The following MINAR1 variants were observed in gnomAD, a reference collection of about 807,000 sequenced individuals.
The protein encoded by MINAR1 is major intrinsically disordered Notch2-binding receptor 1.
Under a neutral mutation model 65.1 loss-of-function variants are expected in MINAR1, and 40 were observed. The ratio of observed to expected loss-of-function variants is 0.61; its 90% confidence interval spans 0.48 to 0.80. The LOEUF (loss-of-function observed/expected upper bound fraction) is 0.80. MINAR1 is among the 30% of genes least tolerant of loss of function. The pLI, the probability that MINAR1 is intolerant of heterozygous loss-of-function variation, is 0.00. For missense variants in MINAR1, 1,128 were observed against 1,148.0 expected (o/e 0.98, Z 0.25); for synonymous variants, 482 against 449.1 (o/e 1.07, Z -0.93).
chr15:79,464,111 G>A (rs1338050387), intron 3 of MINAR1, among the ~76,000 whole-genome samples: 2 of 152,298 alleles, frequency 1.3e-5, no homozygotes, highest in East Asian at 3.9e-4. Context: ...CTCTAAAAGA[G>A]GGCTGTGGGA....
At chr15:79,451,353 G>A (rs1267195951) in intron 1 of MINAR1, among the ~76,000 whole-genome samples, 2 of 152,200 alleles carry the variant, frequency 1.3e-5, no homozygotes, top group Non-Finnish European at 2.9e-5. Context: ...CAGGCGGAGG[G>A]CTGTTGAGCA....
intron 1 of MINAR1, among the ~76,000 whole-genome samples, chr15:79,434,653 C>T (rs1009138798): frequency 6.6e-6 from 1 of 152,208 alleles, no homozygotes; most frequent in African/African-American, 2.4e-5. Flanking sequence ...TTCTAGATTC[C>T]TCAGTGAATC....
intron 3 of MINAR1, among the ~76,000 whole-genome samples, chr15:79,467,244 T>C (rs540489506): frequency 3.9e-4 from 59 of 152,386 alleles, no homozygotes; most frequent in African/African-American, 1.3e-3. Flanking sequence ...AATGTGCCCA[T>C]GTTTATGAGC....
At chr15:79,423,224 A>G in the MINAR1 span, 4 of 125,644 alleles carry the variant, frequency 3.2e-5, no homozygotes, top group African/African-American at 1.3e-4. Context: ...AGCCTTATAA[A>G]TACTGTTAGA....
intron 1 of MINAR1, among the ~76,000 whole-genome samples, chr15:79,437,381 G>A (rs1349348085): frequency 1.3e-5 from 2 of 150,734 alleles, no homozygotes; most frequent in Non-Finnish European, 3.0e-5. Flanking sequence ...GAGTGGATGT[G>A]GTGGGCAGTG....
At chr15:79,453,017 T>C (rs1895287263) in intron 1 of MINAR1, among the ~76,000 whole-genome samples, 1 of 151,108 alleles carries the variant, frequency 6.6e-6, no homozygotes, top group African/African-American at 2.4e-5. Context: ...CAGGGCAGTT[T>C]GCTCAGCCCC....
At position 79,471,881 on chromosome 15, in the gene MINAR1, G is replaced by A. The variant is rs1325028838; in HGVS notation, c.*3497G>A. On this transcript the variant is annotated 3_prime_UTR_variant, in exon 4 of 4. Coordinates refer to ENST00000305428, the MANE Select transcript of MINAR1 (RefSeq NM_015206.3). ...TGTGAATACCAAATCAGTATATACT[G>A]TATACTGTACTATGAAAATTTGTAT... 21 of 152,652 alleles carry A rather than the reference G, an allele frequency of 1.4e-4. No individual in the cohort carries two copies. Among genetic ancestry groups the A allele is most frequent in the Admixed American group, 1.4e-3 (21 of 15,290 alleles). 9.5% of individuals were successfully genotyped at this position (152,652 alleles called of 1,614,324 possible). A position where few individuals can be genotyped will look rare whatever the true frequency, so the allele number is the denominator to read the frequency against.
At position 79,465,361 on chromosome 15, in the gene MINAR1, C is replaced by T. The variant is rs995763907; in HGVS notation, c.2553+2040C>T. Among the ~76,000 whole-genome samples the T allele has an allele frequency of 5.3e-4, 80 of 152,122 alleles. 1 individual carries two copies. Among genetic ancestry groups the T allele is most frequent in the Non-Finnish European group, 7.3e-5 (5 of 68,032 alleles). ...GTTCCTTTGTGTTGAGATATACATT[C>T]ACCATCAGTGGTGCCCACTTGAGGG... On this transcript the variant is annotated intron_variant, in intron 3 of 3. Transcript: ENST00000305428.
At chr15:79,414,385 A>T in the MINAR1 span, 1 of 152,236 alleles carries the variant, frequency 6.6e-6, no homozygotes, top group Admixed American at 6.5e-5. Flanking sequence ...TGAACATGGC[A>T]CACAAAAAAT....
chr15:79,469,078 A>G lies in MINAR1; in HGVS notation c.*694A>G, dbSNP rs1895979925. The G allele has an allele frequency of 2.0e-5, 3 of 153,214 alleles. No individual in the cohort carries two copies. The highest frequency in any genetic ancestry group is 2.9e-5 in the Non-Finnish European group (2 of 68,488). 9.5% of individuals were successfully genotyped at this position (153,214 alleles called of 1,614,324 possible). A position where few individuals can be genotyped will look rare whatever the true frequency, so the allele number is the denominator to read the frequency against. On this transcript the variant is annotated 3_prime_UTR_variant, in exon 4 of 4. Transcript: ENST00000305428. Reference sequence around the variant, plus strand: ...TATGCTCAGACTGCATGATGGGCCAAGGTATTCAGGCCAGGAGACCTCGTC... The same window carrying G: ...TATGCTCAGACTGCATGATGGGCCAGGGTATTCAGGCCAGGAGACCTCGTC...
At chr15:79,453,873 C>G (rs749529908) in intron 1 of MINAR1, among the ~76,000 whole-genome samples, 1 of 152,202 alleles carries the variant, frequency 6.6e-6, no homozygotes, top group African/African-American at 2.4e-5. Context: ...GAGAAATCTT[C>G]CCAGAGAAGC....
chr15:79,446,127 A>C (rs984631771), intron 1 of MINAR1, among the ~76,000 whole-genome samples: 1 of 152,120 alleles, frequency 6.6e-6, no homozygotes, highest in African/African-American at 2.4e-5. Flanking sequence ...TCCTGCATTA[A>C]GTTGTACAGA....
chr15:79,468,071 G>A (rs952237232), intron 3 of MINAR1, 116 bp from the exon 4 acceptor site: 2 of 771,106 alleles, frequency 2.6e-6, no homozygotes, highest in African/African-American at 3.5e-5. Context: ...ATGCAATACA[G>A]TCTCTAACTC....
chr15:79,458,882 T>C lies in MINAR1; in HGVS notation c.2298+437T>C, dbSNP rs558191080. On this transcript the variant is annotated intron_variant, in intron 2 of 3. Transcript: ENST00000305428. The stretch of plus-strand genomic sequence containing the variant: ...TTCATGGACTTCATTGTATGTGTGA[T>C]GTTCCTTTTTAAGTATGAGGTTTTT... Among the ~76,000 whole-genome samples the C allele has an allele frequency of 2.6e-5, 4 of 152,358 alleles. No homozygotes were observed. The South Asian group carries it at 8.3e-4, about 32-fold the overall frequency.
chr15:79,444,819 G>C (rs1894967306), intron 1 of MINAR1, among the ~76,000 whole-genome samples: 3 of 150,798 alleles, frequency 2.0e-5, no homozygotes, highest in Admixed American at 1.3e-4. Context: ...TTAAAAATTT[G>C]TATCATAATA....
rs141168768 is a variant in MINAR1, at chr15:79,452,142, C to T, written c.-50-3956C>T. Reference sequence around the variant, plus strand: ...GTGTACACATGGGTGTGTGGAAGTGCGACAGCGTATGTGTGTGCAGCTGTG... The same window carrying T: ...GTGTACACATGGGTGTGTGGAAGTGTGACAGCGTATGTGTGTGCAGCTGTG... On this transcript the variant is annotated intron_variant, in intron 1 of 3. Coordinates refer to ENST00000305428, the MANE Select transcript of MINAR1 (RefSeq NM_015206.3). Among the ~76,000 whole-genome samples the T allele has an allele frequency of 0.013, 1,958 of 151,840 alleles. 220 individuals carry two copies. In the East Asian group the frequency reaches 0.28, roughly 22 times the overall value.
chr15:79,460,952 T>C (rs1437013899), intron 2 of MINAR1, among the ~76,000 whole-genome samples: 1 of 152,210 alleles, frequency 6.6e-6, no homozygotes, highest in African/African-American at 2.4e-5. Flanking sequence ...TTTCTTTATG[T>C]GAATCCTCCA....
Position 79,456,280 on chromosome 15 carries a change from A to G in MINAR1, c.133A>G (p.Lys45Glu). ...CCGGTTCGACCTGTCGCAGCTTGCC[A>G]AACTGAGAAGTGTGCTCTTCTACAC... Reference protein sequence around the residue: ...CARFDLSQLAKLRSVLFYTAC... With the variant: ...CARFDLSQLAELRSVLFYTAC... Residue 45 changes from lysine to glutamate, a missense_variant, in exon 2 of 4, where the codon AAA becomes GAA. Coordinates refer to ENST00000305428, the MANE Select transcript of MINAR1 (RefSeq NM_015206.3). The G allele has an allele frequency of 1.2e-6, 2 of 1,614,176 alleles. No homozygotes were observed. Among genetic ancestry groups the G allele is most frequent in the Non-Finnish European group, 1.7e-6 (2 of 1,180,044 alleles).
the MINAR1 span, chr15:79,413,854 T>A: frequency 1.1e-4 from 17 of 152,188 alleles, no homozygotes; most frequent in Non-Finnish European, 1.9e-4. Flanking sequence ...CATCAGACAG[T>A]TTTAACTTTA....
Sources: gnomAD v4.1 joint callset for allele counts (sites outside exome capture counted in the v4.1 genomes callset) on GRCh38, gnomAD v4.1.1 for gene constraint, MANE v1.5 for transcripts, NCBI Gene and HGNC (gene_info 2026-07-23, HGNC 2026-07-21) for gene names.